CD226: variants seen among roughly 807,000 people sequenced by gnomAD.
CD226 encodes CD226 molecule, also known as CD226 antigen.
CD226 carries 24 observed loss-of-function variants against 34.9 expected under a neutral mutation model. The observed-to-expected ratio is 0.69, with a 90% CI of 0.50 to 0.97. The LOEUF (loss-of-function observed/expected upper bound fraction) is 0.97, where lower values mean the gene tolerates loss of function less well. CD226 is among the 50% of genes least tolerant of loss of function. CD226 has a pLI of 0.00. For synonymous variants in CD226, 148 were observed against 147.4 expected (o/e 1.00, Z -0.03); for missense variants, 397 against 412.7 (o/e 0.96, Z 0.33).
At chr18:69,938,584 A>G (rs565837888) in intron 2 of CD226, among the ~76,000 whole-genome samples, 33 of 152,226 alleles carry the variant, frequency 2.2e-4, no homozygotes, top group African/African-American at 7.9e-4. Context: ...ACTTAATTCC[A>G]CTCTTGCTAG....
chr18:69,928,636 A>G (rs1272707614), intron 2 of CD226, among the ~76,000 whole-genome samples: 1 of 152,114 alleles, frequency 6.6e-6, no homozygotes, highest in Non-Finnish European at 1.5e-5. Context: ...ATTCTTTTGG[A>G]TTTTGGAATA....
chr18:69,901,874 G>C (rs1406242027), intron 2 of CD226, among the ~76,000 whole-genome samples: 2 of 141,298 alleles, frequency 1.4e-5, no homozygotes, highest in Non-Finnish European at 3.0e-5. Context: ...GCAAGACTCT[G>C]ACTCAAAAAA....
At chr18:69,878,887 T>C (rs921977661) in intron 3 of CD226, among the ~76,000 whole-genome samples, 1 of 152,174 alleles carries the variant, frequency 6.6e-6, no homozygotes, top group Non-Finnish European at 1.5e-5. Context: ...CAATGTAGGT[T>C]CTTTTCTATT....
chr18:69,898,670 C>CT (rs1483633556), intron 2 of CD226, among the ~76,000 whole-genome samples: 2 of 152,158 alleles, frequency 1.3e-5, no homozygotes, highest in Admixed American at 1.3e-4. Flanking sequence ...CCTGATTAAC[C>CT]TTTCCTGACA....
At chr18:69,877,514 C>G (rs1983951445) in intron 3 of CD226, among the ~76,000 whole-genome samples, 1 of 152,264 alleles carries the variant, frequency 6.6e-6, no homozygotes, top group East Asian at 1.9e-4. Context: ...AAAAGCATAT[C>G]ATCTAAACCC....
intron 3 of CD226, among the ~76,000 whole-genome samples, chr18:69,890,563 A>G (rs1441900523): frequency 6.6e-6 from 1 of 152,258 alleles, no homozygotes; most frequent in Non-Finnish European, 1.5e-5. Context: ...TAATATTTCA[A>G]TGATGGGGAA....
upstream of CD226, chr18:69,961,549 G>A (rs546034916): frequency 5.9e-5 from 9 of 152,324 alleles, no homozygotes; most frequent in South Asian, 1.9e-3. Flanking sequence ...GAACTGCTGT[G>A]AAAGGTGCTC....
upstream of CD226, among the ~76,000 whole-genome samples, chr18:69,952,009 G>A (rs1394525623): frequency 3.9e-5 from 6 of 152,120 alleles, no homozygotes; most frequent in Admixed American, 3.9e-4. Context: ...CAATAACCAA[G>A]ATATGGAATC....
At chr18:69,911,728 TCTAATCA>T (rs1423216812) in intron 2 of CD226, among the ~76,000 whole-genome samples, 1 of 152,248 alleles carries the variant, frequency 6.6e-6, no homozygotes, top group East Asian at 1.9e-4. Context: ...TCATGTATTT[TCTAATCA>T]CTTGATTAAA....
At position 69,895,905 on chromosome 18, in the gene CD226, G is replaced by A. The variant is rs760134438; in HGVS notation, c.523C>T (p.Leu175Phe). 6.2e-7 allele frequency: 1 copy of A among 1,614,148 alleles called. No individual in the cohort carries two copies. Among genetic ancestry groups the A allele is most frequent in the South Asian group, 1.1e-5 (1 of 91,082 alleles). ...TGGACCAAGTTGCAGTAAGTTAAGA[G>A]GTCGATCTGACGGGGCTGGATCTTT... ...WEKIQPRQID[L>F]LTYCNLVHGR... Residue 175 changes from leucine to phenylalanine, a missense_variant, in exon 3 of 6, where the codon CTC (leucine) becomes TTC (phenylalanine). Transcript: ENST00000582621.
chr18:69,929,777 G>A (rs931561457), intron 2 of CD226, among the ~76,000 whole-genome samples: 3 of 152,176 alleles, frequency 2.0e-5, no homozygotes, highest in African/African-American at 7.2e-5. Flanking sequence ...GTCAATGACA[G>A]CACCATCTAC....
intron 3 of CD226, among the ~76,000 whole-genome samples, chr18:69,880,304 G>A (rs1984145402): frequency 7.5e-6 from 1 of 133,354 alleles, no homozygotes; most frequent in Admixed American, 8.1e-5. Flanking sequence ...AGGAAGAGAA[G>A]AGAAAGAAAG....
chr18:69,902,974 C>CA (rs1264509757), intron 2 of CD226, among the ~76,000 whole-genome samples: 5 of 152,230 alleles, frequency 3.3e-5, no homozygotes, highest in Admixed American at 3.3e-4. Flanking sequence ...ATGTTGACTG[C>CA]ATGATGACTA....
chr18:69,885,786 C>G (rs1275918663), intron 3 of CD226, among the ~76,000 whole-genome samples: 1 of 152,096 alleles, frequency 6.6e-6, no homozygotes, highest in African/African-American at 2.4e-5. Context: ...ACTGTGTGGA[C>G]AGCCTGCCTC....
chr18:69,887,944 G>T (rs1480040194), intron 3 of CD226, among the ~76,000 whole-genome samples: 1 of 152,040 alleles, frequency 6.6e-6, no homozygotes, highest in Admixed American at 6.6e-5. Flanking sequence ...TAGAAATTGG[G>T]GTTCAAAGAT....
chr18:69,888,416 CTTTTT>C (rs397771802), intron 3 of CD226, among the ~76,000 whole-genome samples: 1 of 125,070 alleles, frequency 8.0e-6, no homozygotes. Context: ...TTTCCTTTCT[CTTTTT>C]TTTTTTTTTT....
upstream of CD226, among the ~76,000 whole-genome samples, chr18:69,959,391 A>G (rs1162409163): frequency 6.6e-6 from 1 of 152,060 alleles, no homozygotes; most frequent in Non-Finnish European, 1.5e-5. Flanking sequence ...AAGCAAAGAC[A>G]CTCTTCAACC....
intron 2 of CD226, among the ~76,000 whole-genome samples, chr18:69,903,223 C>G (rs572977540): frequency 1.1e-4 from 17 of 152,214 alleles, no homozygotes; most frequent in African/African-American, 4.1e-4. Context: ...CTGGCTGTGA[C>G]AGCCAAAAAG....
intron 2 of CD226, among the ~76,000 whole-genome samples, chr18:69,909,490 C>G (rs2055297969): frequency 6.6e-6 from 1 of 152,190 alleles, no homozygotes; most frequent in African/African-American, 2.4e-5. Flanking sequence ...AACAGTATTT[C>G]TCACAACTCC....
Sources: allele counts gnomAD v4.1 joint callset (sites outside exome capture counted in the v4.1 genomes callset), GRCh38; gene constraint gnomAD v4.1.1; transcripts MANE v1.5; gene names NCBI Gene and HGNC (gene_info 2026-07-23, HGNC 2026-07-21).